The following WDR27 variants were observed in gnomAD, a reference collection of about 807,000 sequenced individuals.
WDR27 encodes WD repeat domain 27.
A neutral mutation model predicts 114.4 loss-of-function variants in WDR27; 100 were observed. The observed-to-expected ratio is 0.87, with a 90% CI of 0.74 to 1.03. The LOEUF (loss-of-function observed/expected upper bound fraction) is 1.03. WDR27 is among the 50% of genes least tolerant of loss of function. The pLI is 0.00. For synonymous variants in WDR27, 449 were observed against 423.1 expected, an observed-to-expected ratio of 1.06 and a Z score of -0.75; for missense variants, 1,129 against 1,092.9, an observed-to-expected ratio of 1.03 and a Z score of -0.47.
intron 21 of WDR27, among the ~76,000 whole-genome samples, chr6:169,621,418 AC>A (rs1813178993): frequency 6.6e-6 from 1 of 152,054 alleles, no homozygotes; most frequent in African/African-American, 2.4e-5. Context: ...ATACATACAC[AC>A]ACGCGCATTC....
chr6:169,596,306 A>AT (rs1806778417), intron 23 of WDR27, among the ~76,000 whole-genome samples: 1 of 151,880 alleles, frequency 6.6e-6, no homozygotes, highest in African/African-American at 2.4e-5. Context: ...AATGTCTTTT[A>AT]TCATTTTCTT....
At chr6:169,476,750 T>C (rs1007568371) in intron 25 of WDR27, among the ~76,000 whole-genome samples, 2 of 152,232 alleles carry the variant, frequency 1.3e-5, no homozygotes, top group Admixed American at 6.5e-5. Context: ...TAAGTTTACT[T>C]AGTTATTGTT....
chr6:169,552,311 A>G (rs1313532338), intron 25 of WDR27, among the ~76,000 whole-genome samples: 2 of 152,028 alleles, frequency 1.3e-5, no homozygotes, highest in African/African-American at 4.8e-5. Context: ...ATGACCACTC[A>G]TGTTATTATT....
intron 3 of WDR27, chr6:169,672,010 T>G (rs770091647): frequency 3.5e-5 from 12 of 347,688 alleles, no homozygotes; most frequent in Non-Finnish European, 6.2e-5. Context: ...TCAAAACCAA[T>G]GAGCCTATAA....
chr6:169,585,661 GAAAAT>G (rs1231948662), intron 23 of WDR27, among the ~76,000 whole-genome samples: 5 of 152,248 alleles, frequency 3.3e-5, no homozygotes, highest in South Asian at 4.1e-4. Flanking sequence ...CTAAAGAAAA[GAAAAT>G]GATATTTAAA....
chr6:169,581,063 C>T (rs1037875880), intron 24 of WDR27, among the ~76,000 whole-genome samples: 8 of 151,502 alleles, frequency 5.3e-5, no homozygotes, highest in Non-Finnish European at 1.0e-4. Context: ...AGCGGCCCTT[C>T]GTCAGGAAGC....
At chr6:169,438,628 C>T in the WDR27 span, among the ~76,000 whole-genome samples, 1 of 152,210 alleles carries the variant, frequency 6.6e-6, no homozygotes, top group Non-Finnish European at 1.5e-5. Flanking sequence ...AGTGTACACT[C>T]ATAATCTTGG....
chr6:169,538,737 A>ACACACAC (rs1584064726), intron 25 of WDR27, among the ~76,000 whole-genome samples: 1 of 120,864 alleles, frequency 8.3e-6, no homozygotes, highest in East Asian at 5.4e-4. Context: ...CACACACACA[A>ACACACAC]ACACACTTAT....
At chr6:169,675,909 C>T (rs1260109013) in intron 2 of WDR27, among the ~76,000 whole-genome samples, 2 of 152,128 alleles carry the variant, frequency 1.3e-5, no homozygotes, top group Admixed American at 1.3e-4. Context: ...AGGGGATTCT[C>T]TATAGAATAT....
intron 25 of WDR27, among the ~76,000 whole-genome samples, chr6:169,462,426 G>T (rs911779002): frequency 6.6e-6 from 1 of 151,864 alleles, no homozygotes; most frequent in Non-Finnish European, 1.5e-5. Flanking sequence ...AACAGAGAGA[G>T]ACTGTCTCAA....
chr6:169,674,379 A>G (rs1369383560), intron 2 of WDR27, among the ~76,000 whole-genome samples: 1 of 152,248 alleles, frequency 6.6e-6, no homozygotes, highest in African/African-American at 2.4e-5. Flanking sequence ...GAGGCATAGA[A>G]GATATTTAAA....
At chr6:169,617,981 G>C (rs1812265478) in intron 21 of WDR27, among the ~76,000 whole-genome samples, 1 of 152,112 alleles carries the variant, frequency 6.6e-6, no homozygotes, top group Non-Finnish European at 1.5e-5. Flanking sequence ...TTCATTATCT[G>C]CCTAAGTAAT....
At chr6:169,438,025 T>C in the WDR27 span, among the ~76,000 whole-genome samples, 3 of 152,122 alleles carry the variant, frequency 2.0e-5, no homozygotes, top group South Asian at 2.1e-4. Flanking sequence ...TAGTACCCAA[T>C]AGGTAGTTTT....
chr6:169,636,866 G>A (rs1158749209), intron 18 of WDR27, among the ~76,000 whole-genome samples: 3 of 152,122 alleles, frequency 2.0e-5, no homozygotes, highest in Non-Finnish European at 2.9e-5. Flanking sequence ...ACAACCAAAC[G>A]TTATGACACA....
At chr6:169,641,303 CCG>C (rs1349783674) in intron 17 of WDR27, among the ~76,000 whole-genome samples, 7 of 152,038 alleles carry the variant, frequency 4.6e-5, no homozygotes. Flanking sequence ...AGACGAATCA[CCG>C]CAGGCAAGGC....
At position 169,636,449 on chromosome 6, in the gene WDR27, G is replaced by C. The variant is rs1215927012; in HGVS notation, c.1925C>G (p.Ala642Gly). 6.8e-6 allele frequency: 11 copies of C among 1,613,644 alleles called. No individual in the cohort carries two copies. Among genetic ancestry groups the C allele is most frequent in the Non-Finnish European group, 8.5e-6 (10 of 1,179,704 alleles). ...AGGGCCAGAAGATAACAATATAAAG[G>C]CATCTATATAATAGAACTGTGCAGA... is the stretch of plus-strand genomic sequence containing the variant. The part of the protein sequence containing the change: ...IQSAQFYYID[A>G]FILLSSGPEF... Residue 642 changes from alanine to glycine, a missense_variant, in exon 19 of 26, where the codon GCC (alanine) becomes GGC (glycine). Transcript: ENST00000448612.
chr6:169,638,822 G>A (rs1356447592), intron 17 of WDR27, among the ~76,000 whole-genome samples, 162 bp from the exon 18 acceptor site: 2 of 152,244 alleles, frequency 1.3e-5, no homozygotes, highest in Admixed American at 6.5e-5. Context: ...AGGCTGCAGA[G>A]CCTGAGGCAG....
At chr6:169,645,135 A>G (rs1401152798) in intron 16 of WDR27, among the ~76,000 whole-genome samples, 1 of 144,006 alleles carries the variant, frequency 6.9e-6, no homozygotes, top group East Asian at 2.0e-4. Flanking sequence ...ATCCTAGTTC[A>G]TAGGACTCAC....
intron 25 of WDR27, among the ~76,000 whole-genome samples, chr6:169,470,045 A>G (rs776990991): frequency 6.6e-6 from 1 of 152,210 alleles, no homozygotes; most frequent in Non-Finnish European, 1.5e-5. Context: ...TCCTCAGCTA[A>G]ATATCCAATT....
Sources: gnomAD v4.1 joint callset for allele counts (sites outside exome capture counted in the v4.1 genomes callset) on GRCh38, gnomAD v4.1.1 for gene constraint, MANE v1.5 for transcripts, NCBI Gene and HGNC (gene_info 2026-07-23, HGNC 2026-07-21) for gene names.